The following KIF26B variants were observed in gnomAD, a reference collection of about 807,000 sequenced individuals.
KIF26B encodes kinesin family member 26B, also known as kinesin-like protein KIF26B.
A neutral mutation model predicts 151.2 loss-of-function variants in KIF26B; 63 were observed. The ratio of observed to expected loss-of-function variants is 0.42; its 90% CI spans 0.34 to 0.51. The LOEUF (loss-of-function observed/expected upper bound fraction) is 0.51. KIF26B is among the 20% of genes least tolerant of loss of function. The pLI, the probability that KIF26B is intolerant of heterozygous loss-of-function variation, is 0.07. For missense variants in KIF26B, 2,813 were observed against 2,913.6 expected (o/e 0.97, Z 0.79); for synonymous variants, 1,357 against 1,262.1 (o/e 1.08, Z -1.59).
intron 4 of KIF26B, among the ~76,000 whole-genome samples, chr1:245,474,817 A>C (rs1659998584): frequency 6.6e-6 from 1 of 151,554 alleles, no homozygotes; most frequent in Non-Finnish European, 1.5e-5. Context: ...TCTGGTAACC[A>C]CCCATCTACT....
At chr1:245,270,939 C>T (rs927374716) in intron 2 of KIF26B, among the ~76,000 whole-genome samples, 5 of 152,124 alleles carry the variant, frequency 3.3e-5, no homozygotes, top group Non-Finnish European at 5.9e-5. Flanking sequence ...TTTATGTATG[C>T]GTAAGATAAG....
At chr1:245,557,686 A>G (rs1459747149) in intron 5 of KIF26B, among the ~76,000 whole-genome samples, 1 of 152,200 alleles carries the variant, frequency 6.6e-6, no homozygotes, top group East Asian at 1.9e-4. Flanking sequence ...ACGCCTGTTC[A>G]AGAGATGGGT....
At position 245,586,199 on chromosome 1, in the gene KIF26B, T is replaced by TGTGTGTG. The variant is rs1440046570; in HGVS notation, c.1351-16378_1351-16377insGTGTGTG. Among the ~76,000 whole-genome samples, 233 of 118,776 alleles carry TGTGTGTG rather than the reference T, an allele frequency of 2.0e-3. 2 individuals are homozygous for TGTGTGTG. Among genetic ancestry groups the TGTGTGTG allele is most frequent in the African/African-American group, 7.7e-3 (226 of 29,394 alleles). 77.9% of individuals were successfully genotyped at this position (118,776 alleles called of 152,430 possible). ...TGTGTGTGTGTGTGTGTGTGTGTGTTTGTTTTAATAGAGACGGGGTCTTGC... is the reference window on the plus strand; with the variant it reads ...TGTGTGTGTGTGTGTGTGTGTGTGTTGTGTGTGTGTTTTAATAGAGACGGGGTCTTGC... On this transcript the variant is annotated intron_variant, in intron 5 of 14. Coordinates refer to ENST00000407071, the MANE Select transcript of KIF26B (RefSeq NM_018012.4).
At chr1:245,666,511 T>C (rs2044217145) in intron 10 of KIF26B, among the ~76,000 whole-genome samples, 1 of 152,130 alleles carries the variant, frequency 6.6e-6, no homozygotes. Context: ...CCCTAGGTTC[T>C]TAATACATGC....
At chr1:245,306,421 T>C (rs1228257369) in intron 2 of KIF26B, among the ~76,000 whole-genome samples, 1 of 152,224 alleles carries the variant, frequency 6.6e-6, no homozygotes, top group Non-Finnish European at 1.5e-5. Flanking sequence ...TTTTAGGAGA[T>C]AATGAAAATG....
At chr1:245,500,718 G>A (rs1344319736) in intron 4 of KIF26B, among the ~76,000 whole-genome samples, 1 of 152,252 alleles carries the variant, frequency 6.6e-6, no homozygotes, top group Admixed American at 6.5e-5. Context: ...GCCAACTAGA[G>A]AAGCCACAGC....
At chr1:245,594,122 T>C (rs2043317648) in intron 5 of KIF26B, among the ~76,000 whole-genome samples, 1 of 152,226 alleles carries the variant, frequency 6.6e-6, no homozygotes, top group Non-Finnish European at 1.5e-5. Flanking sequence ...GTAGGTTGCC[T>C]GTTCACTCTG....
chr1:245,459,975 TTTTG>T (rs929145721), intron 4 of KIF26B, among the ~76,000 whole-genome samples: 12 of 152,050 alleles, frequency 7.9e-5, no homozygotes, highest in Admixed American at 3.9e-4. Flanking sequence ...TCAGAGTGTT[TTTTG>T]TTTGTTTGTT....
At chr1:245,591,044 A>G (rs776841916) in intron 5 of KIF26B, among the ~76,000 whole-genome samples, 1 of 152,110 alleles carries the variant, frequency 6.6e-6, no homozygotes, top group African/African-American at 2.4e-5. Flanking sequence ...TTAAAGGGAG[A>G]TCCAGGGAAG....
chr1:245,254,265 T>C (rs1156488753), intron 2 of KIF26B, among the ~76,000 whole-genome samples: 1 of 152,156 alleles, frequency 6.6e-6, no homozygotes, highest in African/African-American at 2.4e-5. Flanking sequence ...GTCCCATGGA[T>C]AGGGTGGCAT....
At position 245,597,671 on chromosome 1, in the gene KIF26B, G is replaced by A. The variant is rs2043348655; in HGVS notation, c.1351-4906G>A. Among the ~76,000 whole-genome samples the A allele has an allele frequency of 6.6e-6, 1 of 151,996 alleles. No homozygotes were observed. The highest frequency in any genetic ancestry group is 2.4e-5 in the African/African-American group (1 of 41,394). ...TCTATATATTCTGAATTTAAATGTT[G>A]GCCTGTCCTGCTAGTTTGAGGAAAT... On this transcript the variant is annotated intron_variant, in intron 5 of 14. Transcript: ENST00000407071. The surrounding 1 kb of genome is among the most constrained non-coding windows in gnomAD (Gnocchi z 4.6).
intron 5 of KIF26B, among the ~76,000 whole-genome samples, chr1:245,600,807 G>C (rs2043388348): frequency 6.6e-6 from 1 of 152,126 alleles, no homozygotes; most frequent in Admixed American, 6.5e-5. Flanking sequence ...AGTTTGCACA[G>C]CCGCCCATAT....
chr1:245,641,551 A>G (rs1358813772), intron 9 of KIF26B, among the ~76,000 whole-genome samples: 5 of 150,170 alleles, frequency 3.3e-5, no homozygotes, highest in Admixed American at 2.0e-4. Flanking sequence ...CTGACTGTCT[A>G]TTTTCAAATA....
intron 4 of KIF26B, among the ~76,000 whole-genome samples, chr1:245,529,009 TG>T (rs1351897541): frequency 3.3e-5 from 5 of 152,198 alleles, no homozygotes; most frequent in African/African-American, 1.2e-4. Context: ...TGTCAAGTTC[TG>T]GACAAAATTA....
In KIF26B at chr1:245,685,680, C is replaced by G. The variant is rs758612748; in HGVS notation, c.2697C>G (p.Thr899=). 2 of 1,612,970 alleles carry G rather than the reference C, an allele frequency of 1.2e-6. No homozygotes were observed. The highest frequency in any genetic ancestry group is 2.2e-5 in the East Asian group (1 of 44,860). ...FVPIVPALQK[T]RGDSRPAEAG... ...CTATCGTGCCAGCCCTGCAGAAGAC[C>G]CGGGGCGACAGCCGGCCCGCAGAGG... Residue 899 remains threonine, a synonymous_variant, in exon 12 of 15, where the codon ACC becomes ACG. Coordinates refer to ENST00000407071, the MANE Select transcript of KIF26B (RefSeq NM_018012.4).
In KIF26B at chr1:245,303,393, T is replaced by G. The variant is rs1050140530; in HGVS notation, c.466-63441T>G. Among the ~76,000 whole-genome samples the G allele has an allele frequency of 7.2e-4, 109 of 150,636 alleles. 1 individual carries two copies. The highest frequency in any genetic ancestry group is 1.3e-3 in the Non-Finnish European group (86 of 67,852). ...TTTTGTATTTTTAGTAGAGACGGGG[T>G]TTCACCGTGTTAGCCAGGATGGTCT... On this transcript the variant is annotated intron_variant, in intron 2 of 14. Coordinates refer to ENST00000407071, the MANE Select transcript of KIF26B (RefSeq NM_018012.4).
intron 4 of KIF26B, among the ~76,000 whole-genome samples, chr1:245,522,052 G>T (rs1208402464): frequency 1.3e-5 from 2 of 151,990 alleles, no homozygotes; most frequent in Non-Finnish European, 2.9e-5. Context: ...TGTATTTTTA[G>T]TAGAGACGGG....
At chr1:245,544,811 C>G (rs1017527392) in intron 5 of KIF26B, among the ~76,000 whole-genome samples, 2 of 152,060 alleles carry the variant, frequency 1.3e-5, no homozygotes, top group Admixed American at 1.3e-4. Context: ...GAATAACAGC[C>G]AAGAATAGAT....
At chr1:245,202,245 C>T (rs1360343357) in intron 2 of KIF26B, among the ~76,000 whole-genome samples, 2 of 148,570 alleles carry the variant, frequency 1.3e-5, no homozygotes, top group African/African-American at 4.9e-5. Context: ...ACTCACTGCC[C>T]TCACTGCAGA....
Sources: allele counts gnomAD v4.1 joint callset (sites outside exome capture counted in the v4.1 genomes callset), GRCh38; gene constraint gnomAD v4.1.1; non-coding constraint Gnocchi (gnomAD v3.1); transcripts MANE v1.5; gene names NCBI Gene and HGNC (gene_info 2026-07-23, HGNC 2026-07-21).